Variants in TRMT1 observed in about 807,000 individuals in gnomAD.
TRMT1 encodes tRNA (guanine(26)-N(2))-dimethyltransferase.
TRMT1 carries 63 observed loss-of-function variants against 75.4 expected under a neutral mutation model. The ratio of observed to expected loss-of-function variants is 0.84; its 90% CI spans 0.68 to 1.03. The LOEUF (loss-of-function observed/expected upper bound fraction) is 1.03. TRMT1 is among the 50% of genes least tolerant of loss of function. The pLI is 0.00. For synonymous variants in TRMT1, 382 were observed against 358.1 expected, an observed-to-expected ratio of 1.07 and a Z score of -0.75; for missense variants, 870 against 905.3, an observed-to-expected ratio of 0.96 and a Z score of 0.50.
chr19:13,110,008 G>A lies in TRMT1; in HGVS notation c.1020-7C>T, dbSNP rs1368167263. 1 of 1,612,914 alleles carries A rather than the reference G, an allele frequency of 6.2e-7. No individual in the cohort carries two copies. The highest frequency in any genetic ancestry group is 8.5e-7 in the Non-Finnish European group (1 of 1,179,920). ...GAACACCAGCGCCTGCTTGCTGTGGGGGGTACCAGTGGCCACGAGTTCCCA... is the reference window on the plus strand; with the variant it reads ...GAACACCAGCGCCTGCTTGCTGTGGAGGGTACCAGTGGCCACGAGTTCCCA... On this transcript the variant is annotated splice_region_variant and splice_polypyrimidine_tract_variant and intron_variant, in intron 8 of 16. Transcript: ENST00000357720.
In TRMT1 at chr19:13,107,669, G is replaced by C; in HGVS notation, c.1507-19C>G. On this transcript the variant is annotated intron_variant, in intron 13 of 16. Transcript: ENST00000357720. ...CCTTCTCCTGGGGGCAGAGGTCAGA[G>C]GTTAGGGAATACTAGGCCCAAGGGA... 6.3e-7 allele frequency: 1 copy of C among 1,596,586 alleles called. No individual in the cohort carries two copies. The highest frequency in any genetic ancestry group is 8.5e-7 in the Non-Finnish European group (1 of 1,169,880).
At chr19:13,107,723 A>C in intron 13 of TRMT1, 28 bp downstream of exon 13, 1 of 1,558,876 alleles carries the variant, frequency 6.4e-7, no homozygotes, top group Admixed American at 1.9e-5. Context: ...CTGCCCTCCC[A>C]CCTGCATGAG....
At position 13,107,852 on chromosome 19, in the gene TRMT1, G is replaced by A. The variant is rs771286220; in HGVS notation, c.1405C>T (p.Leu469Phe). Residue 469 changes from leucine to phenylalanine, a missense_variant, in exon 13 of 17, where the codon CTC becomes TTC. Coordinates refer to ENST00000357720, the MANE Select transcript of TRMT1 (RefSeq NM_001136035.4). ...GAGACCCGGAAGTCAGCGTGGAGGA[G>A]GGCCGACCTGGGGAACAGCAGGGAT... ...TPSLLQLRSA[L>F]LHADFRVSLS... 3.9e-6 allele frequency: 6 copies of A among 1,551,452 alleles called. No homozygotes were observed. Among genetic ancestry groups the A allele is most frequent in the South Asian group, 3.6e-5 (3 of 84,058 alleles).
In TRMT1 at chr19:13,116,327, C is replaced by T; in HGVS notation, c.73G>A (p.Glu25Lys). The T allele has an allele frequency of 1.2e-6, 2 of 1,613,888 alleles. No individual in the cohort carries two copies. Among genetic ancestry groups the T allele is most frequent in the Non-Finnish European group, 1.7e-6 (2 of 1,180,010 alleles). Residue 25 changes from glutamate (E) to lysine (K), a missense_variant, in exon 2 of 17, where the codon GAG (glutamate) becomes AAG (lysine). By Grantham distance (56) the Glu-to-Lys change is moderately conservative. Coordinates refer to ENST00000357720, the MANE Select transcript of TRMT1 (RefSeq NM_001136035.4). ...ARVLSRARFF[E>K]WQSPGLPNTA... Reference sequence around the variant, plus strand: ...TTCGGCAGCCCTGGAGACTGCCACTCGAAAAACCGGGCTCTAGAGAGCACC... The same window carrying T: ...TTCGGCAGCCCTGGAGACTGCCACTTGAAAAACCGGGCTCTAGAGAGCACC...
chr19:13,116,682 A>C lies in TRMT1; in HGVS notation c.-62T>G. On this transcript the variant is annotated 5_prime_UTR_variant, in exon 1 of 17. Transcript: ENST00000357720. ...TCTCGTAGCCACAGAAAACCGAATT[A>C]GTCAAGGTGCACGTTTCCCGAATTA... 1 of 460,306 alleles carries C rather than the reference A, an allele frequency of 2.2e-6. No homozygotes were observed. The highest frequency in any genetic ancestry group is 5.8e-4 in the Middle Eastern group (1 of 1,726). The allele number at this position is 460,306 out of a possible 1,614,324, so 28.5% of individuals were successfully genotyped here.
At chr19:13,108,360 G>A (rs2018977157) in intron 12 of TRMT1, among the ~76,000 whole-genome samples, 1 of 151,802 alleles carries the variant, frequency 6.6e-6, no homozygotes, top group Non-Finnish European at 1.5e-5. Context: ...ATGCAATCTT[G>A]GCTCACTGCA....
intron 4 of TRMT1, 57 bp downstream of exon 4, chr19:13,115,569 G>C (rs1055121085): frequency 2.4e-5 from 39 of 1,608,864 alleles, no homozygotes; most frequent in Non-Finnish European, 3.1e-5. Flanking sequence ...CCCCCTCCAG[G>C]AGCCCTCTGT....
At position 13,107,572 on chromosome 19, in the gene TRMT1, A is replaced by G. The variant is rs1424223356; in HGVS notation, c.1583+2T>C. On this transcript the variant is annotated splice_donor_variant, in intron 14 of 16. Coordinates refer to ENST00000357720, the MANE Select transcript of TRMT1 (RefSeq NM_001136035.4). LOFTEE classifies it high-confidence loss of function. ...GCCGCTCCTGCATGTGCTTGCCCCTACCTGGGCTCCACACTGAGAATGCGG... is the reference window on the plus strand; with the variant it reads ...GCCGCTCCTGCATGTGCTTGCCCCTGCCTGGGCTCCACACTGAGAATGCGG... 1.2e-6 allele frequency: 2 copies of G among 1,600,416 alleles called. No homozygotes were observed. The highest frequency in any genetic ancestry group is 1.7e-6 in the Non-Finnish European group (2 of 1,172,238).
chr19:13,111,532 C>A (rs2019139876), intron 7 of TRMT1, among the ~76,000 whole-genome samples: 1 of 150,940 alleles, frequency 6.6e-6, no homozygotes, highest in African/African-American at 2.4e-5. Context: ...TACAAGCACC[C>A]ACCACCACGC....
chr19:13,115,632 G>A lies in TRMT1; in HGVS notation c.447C>T (p.Ile149=), dbSNP rs1394911898. The A allele has an allele frequency of 6.2e-7, 1 of 1,613,730 alleles. No individual in the cohort carries two copies. The highest frequency in any genetic ancestry group is 1.3e-5 in the African/African-American group (1 of 74,842). ...DQPRTAAVGE[I]CEEGLHVLEG... is the part of the protein sequence containing the mutation. Reference sequence around the variant, plus strand: ...TCCTATGCTCAGGCCCCACCTCACAGATCTCCCCCACGGCCGCTGTGCGAG... The same window carrying A: ...TCCTATGCTCAGGCCCCACCTCACAAATCTCCCCCACGGCCGCTGTGCGAG... The change falls in exon 4 of 17, where the codon ATC becomes ATT. Residue 149 remains isoleucine, a synonymous_variant. Transcript: ENST00000357720.
chr19:13,113,890 G>T (rs1408906043), intron 5 of TRMT1, among the ~76,000 whole-genome samples: 1 of 152,074 alleles, frequency 6.6e-6, no homozygotes, highest in Non-Finnish European at 1.5e-5. Flanking sequence ...GATTACAGGG[G>T]TGAGCCACTG....
At chr19:13,115,199 C>T in intron 5 of TRMT1, 80 bp downstream of exon 5, 1 of 1,446,696 alleles carries the variant, frequency 6.9e-7, no homozygotes, top group South Asian at 1.4e-5. Flanking sequence ...CTCAAGGTCA[C>T]AGAGTGAGAA....
chr19:13,105,734 T>G, intron 14 of TRMT1, 128 bp from the exon 15 acceptor site: 1 of 980,140 alleles, frequency 1.0e-6, no homozygotes, highest in Non-Finnish European at 1.5e-6. Context: ...GATTCTCTCA[T>G]TCATCTAATA....
intron 7 of TRMT1, 95 bp from the exon 8 acceptor site, chr19:13,110,401 G>C (rs1350397992): frequency 7.2e-7 from 1 of 1,394,652 alleles, no homozygotes; most frequent in Non-Finnish European, 9.5e-7. Context: ...CTCAGGGCCA[G>C]CTCCCTGGGA....
In TRMT1 at chr19:13,115,347, AT is replaced by A. The variant is rs1256140667; in HGVS notation, c.572del (p.Asp191ValfsTer26). The A allele has an allele frequency of 6.2e-7, 1 of 1,614,038 alleles. No homozygotes were observed. The highest frequency in any genetic ancestry group is 2.2e-5 in the East Asian group (1 of 44,884). ...TGAGCTGGACATTCCGGCGTATGAG[AT>A]CCACAGCCCGGGTGGAGGCATCGTT... ...VANDASTRAV[D>X]LIRRNVQLND... On this transcript the variant is annotated frameshift_variant, in exon 5 of 17. Coordinates refer to ENST00000357720, the MANE Select transcript of TRMT1 (RefSeq NM_001136035.4). LOFTEE classifies it high-confidence loss of function.
At chr19:13,108,634 T>C (rs548703724) in intron 12 of TRMT1, among the ~76,000 whole-genome samples, 1 of 149,820 alleles carries the variant, frequency 6.7e-6, no homozygotes, top group Non-Finnish European at 1.5e-5. Context: ...TTAAATGGAG[T>C]CTCGCTCTGT....
intron 4 of TRMT1, 44 bp from the exon 5 acceptor site, chr19:13,115,510 T>C (rs2019307063): frequency 2.5e-6 from 4 of 1,601,150 alleles, no homozygotes; most frequent in Middle Eastern, 2.1e-4. Context: ...TCCACCTCCA[T>C]CCTCTTCTGG....
intron 16 of TRMT1, 26 bp downstream of exon 16, chr19:13,105,241 T>C: frequency 2.5e-6 from 4 of 1,605,316 alleles, no homozygotes; most frequent in Non-Finnish European, 3.4e-6. Context: ...TGTCCTGCAG[T>C]GGAGGAAAGG....
chr19:13,107,504 T>C, intron 14 of TRMT1, 70 bp downstream of exon 14: 1 of 1,502,844 alleles, frequency 6.7e-7, no homozygotes. Flanking sequence ...AGCATCTGTG[T>C]TGTCTGCACA....
Sources: gnomAD v4.1 joint callset for allele counts (sites outside exome capture counted in the v4.1 genomes callset) on GRCh38, gnomAD v4.1.1 for gene constraint, MANE v1.5 for transcripts, NCBI Gene and HGNC (gene_info 2026-07-23, HGNC 2026-07-21) for gene names.